SNTG1: variants seen among roughly 807,000 people sequenced by gnomAD.
The protein encoded by SNTG1 is gamma-1-syntrophin.
Under a neutral mutation model 74.7 loss-of-function variants are expected in SNTG1, and 39 were observed. That is an observed-to-expected ratio of 0.52 (90% CI 0.40 to 0.68). SNTG1 has a LOEUF of 0.68. Among genes scored for constraint, SNTG1 ranks in the 30% least tolerant of loss-of-function variants. The pLI, the probability that SNTG1 is intolerant of heterozygous loss-of-function variation, is 0.00. For synonymous variants in SNTG1, 254 were observed against 217.1 expected (o/e 1.17, Z -1.49); for missense variants, 685 against 609.5 (o/e 1.12, Z -1.30).
chr8:50,672,516 A>G (rs1344225059), intron 15 of SNTG1, among the ~76,000 whole-genome samples: 2 of 119,532 alleles, frequency 1.7e-5, no homozygotes, highest in East Asian at 5.2e-4. Flanking sequence ...TCCTCTGCAC[A>G]CTTTTTGATG....
At chr8:50,748,986 T>C (rs776232571) in intron 17 of SNTG1, among the ~76,000 whole-genome samples, 1 of 152,032 alleles carries the variant, frequency 6.6e-6, no homozygotes, top group Non-Finnish European at 1.5e-5. Context: ...CCTCTCACTT[T>C]AAATCAAAAT....
At chr8:50,434,922 T>A (rs1259727402) in intron 4 of SNTG1, among the ~76,000 whole-genome samples, 1 of 152,124 alleles carries the variant, frequency 6.6e-6, no homozygotes, top group Non-Finnish European at 1.5e-5. Flanking sequence ...TCTGCATGAT[T>A]TCCACTTCTT....
At chr8:49,916,718 T>C (rs1806069406) in intron 1 of SNTG1, among the ~76,000 whole-genome samples, 1 of 152,136 alleles carries the variant, frequency 6.6e-6, no homozygotes, top group African/African-American at 2.4e-5. Flanking sequence ...TATAAAACTA[T>C]GAAAAGGCCA....
intron 1 of SNTG1, among the ~76,000 whole-genome samples, chr8:50,090,051 G>T (rs77837120): frequency 1.3e-5 from 2 of 152,308 alleles, no homozygotes; most frequent in Non-Finnish European, 2.9e-5. Context: ...TAAGAGTGTC[G>T]TCTTCAAGTA....
chr8:49,938,603 T>TTTTCTTTTCTTTCTTTCTTTCTTTCTTTC, intron 1 of SNTG1, among the ~76,000 whole-genome samples: 2 of 74,766 alleles, frequency 2.7e-5, no homozygotes, highest in East Asian at 1.3e-3. Context: ...TTTTCTTTTC[T>TTTTCTTTTCTTTCTTTCTTTCTTTCTTTC]TTTCTTTCTT....
chr8:50,462,056 C>T (rs373359377), intron 8 of SNTG1, among the ~76,000 whole-genome samples: 1 of 152,064 alleles, frequency 6.6e-6, no homozygotes, highest in Non-Finnish European at 1.5e-5. Context: ...TACTCTGCTC[C>T]AATGACAGGT....
intron 4 of SNTG1, among the ~76,000 whole-genome samples, chr8:50,424,828 T>C (rs1286292866): frequency 1.3e-5 from 2 of 152,160 alleles, no homozygotes; most frequent in Non-Finnish European, 2.9e-5. Context: ...ATTTAGGAGC[T>C]TCAGGAAATG....
intron 13 of SNTG1, among the ~76,000 whole-genome samples, chr8:50,606,666 T>C (rs2094815113): frequency 2.0e-5 from 3 of 151,948 alleles, no homozygotes; most frequent in South Asian, 4.1e-4. Context: ...GGGGAAATCA[T>C]TAAATATTTC....
chr8:50,271,146 G>A (rs1380791), intron 2 of SNTG1, among the ~76,000 whole-genome samples: 72,797 of 152,008 alleles, frequency 0.48, 19,656 homozygotes, highest in East Asian at 0.83. Context: ...GATTAAGGGA[G>A]AAGATTATAG....
At position 50,250,575 on chromosome 8, in the gene SNTG1, A is replaced by G. The variant is rs114154792; in HGVS notation, c.-28+77940A>G. 5.2e-3 allele frequency among the ~76,000 whole-genome samples: 788 copies of G among 152,268 alleles called. 11 individuals carry two copies. The highest frequency in any genetic ancestry group is 0.018 in the African/African-American group (751 of 41,578). ...CTAAAAGCTGCAAGAGATAAATGTCAAGTTACATATAGGGGAATTTCCATT... is the reference window on the plus strand; with the variant it reads ...CTAAAAGCTGCAAGAGATAAATGTCGAGTTACATATAGGGGAATTTCCATT... On this transcript the variant is annotated intron_variant, in intron 2 of 18. Transcript: ENST00000642720.
intron 12 of SNTG1, among the ~76,000 whole-genome samples, chr8:50,580,057 C>T (rs1247139841): frequency 1.3e-5 from 2 of 152,228 alleles, no homozygotes; most frequent in Non-Finnish European, 2.9e-5. Context: ...TGCAAAGCCA[C>T]AGGGGTGGAC....
chr8:50,460,575 A>G (rs897749686), intron 8 of SNTG1, among the ~76,000 whole-genome samples: 1 of 152,176 alleles, frequency 6.6e-6, no homozygotes, highest in African/African-American at 2.4e-5. Context: ...GATGTCCAAA[A>G]TGGTATTTTC....
intron 1 of SNTG1, among the ~76,000 whole-genome samples, chr8:50,086,335 A>T (rs1355716703): frequency 6.6e-6 from 1 of 152,218 alleles, no homozygotes; most frequent in African/African-American, 2.4e-5. Context: ...GGAGGCAGGG[A>T]GACCATTTGG....
intron 1 of SNTG1, among the ~76,000 whole-genome samples, chr8:50,154,056 T>C (rs1252871488): frequency 1.3e-5 from 2 of 152,132 alleles, no homozygotes; most frequent in Non-Finnish European, 2.9e-5. Context: ...TCCACCCAGT[T>C]TGAGCTTCCA....
intron 2 of SNTG1, among the ~76,000 whole-genome samples, chr8:50,264,901 C>G (rs2087385525): frequency 6.6e-6 from 1 of 151,696 alleles, no homozygotes; most frequent in Admixed American, 6.6e-5. Context: ...GACACATTAC[C>G]AGAAAGAAAA....
chr8:50,674,288 G>A (rs1242396482), intron 15 of SNTG1, among the ~76,000 whole-genome samples: 1 of 152,090 alleles, frequency 6.6e-6, no homozygotes, highest in East Asian at 1.9e-4. Flanking sequence ...GAATTCAGCT[G>A]TGAATTTCCC....
At chr8:50,472,128 A>G (rs1014285577) in intron 8 of SNTG1, among the ~76,000 whole-genome samples, 1 of 152,138 alleles carries the variant, frequency 6.6e-6, no homozygotes, top group African/African-American at 2.4e-5. Flanking sequence ...ACCCATTGTA[A>G]TTTACAGAGT....
intron 2 of SNTG1, among the ~76,000 whole-genome samples, chr8:50,319,109 G>A (rs1450966595): frequency 6.6e-6 from 1 of 151,740 alleles, no homozygotes; most frequent in Non-Finnish European, 1.5e-5. Flanking sequence ...TAGTGTTATA[G>A]CTCCTATAGG....
intron 1 of SNTG1, among the ~76,000 whole-genome samples, chr8:49,998,530 GTTTTA>G (rs1284450131): frequency 1.3e-5 from 2 of 149,812 alleles, no homozygotes; most frequent in South Asian, 4.3e-4. Flanking sequence ...TATACTATAT[GTTTTA>G]TTTTATTTTT....
Sources: allele counts gnomAD v4.1 joint callset (sites outside exome capture counted in the v4.1 genomes callset), GRCh38; gene constraint gnomAD v4.1.1; transcripts MANE v1.5; gene names NCBI Gene and HGNC (gene_info 2026-07-23, HGNC 2026-07-21).